Variants in USP13 observed in about 807,000 individuals in gnomAD.
USP13 encodes ubiquitin specific peptidase 13.
A neutral mutation model predicts 107.8 loss-of-function variants in USP13; 68 were observed. That is an observed-to-expected ratio of 0.63 (90% CI 0.52 to 0.77). The LOEUF is 0.77. Ranked by LOEUF, USP13 falls within the 30% of genes least tolerant of loss-of-function variation. The pLI is 0.00. For synonymous variants in USP13, 377 were observed against 389.5 expected (o/e 0.97, Z 0.38); for missense variants, 945 against 1,093.3 (o/e 0.86, Z 1.91).
chr3:179,767,159 A>G (rs1401757036), intron 19 of USP13, among the ~76,000 whole-genome samples: 2 of 152,212 alleles, frequency 1.3e-5, no homozygotes, highest in Admixed American at 1.3e-4. Flanking sequence ...TGTCATAATC[A>G]GCTCATGCTT....
intron 6 of USP13, among the ~76,000 whole-genome samples, chr3:179,718,913 C>T (rs1428054745): frequency 5.3e-5 from 8 of 152,042 alleles, no homozygotes; most frequent in African/African-American, 1.7e-4. Context: ...CCCGCCACCA[C>T]GCCCGGCTAA....
intron 8 of USP13, among the ~76,000 whole-genome samples, chr3:179,728,147 C>T (rs1713623822): frequency 7.5e-6 from 1 of 132,550 alleles, no homozygotes; most frequent in South Asian, 2.7e-4. Flanking sequence ...GTAGGGGCGG[C>T]CGGGCAGAGG....
At chr3:179,710,000 A>G (rs904903174) in intron 6 of USP13, among the ~76,000 whole-genome samples, 20 of 152,264 alleles carry the variant, frequency 1.3e-4, no homozygotes, top group African/African-American at 4.8e-4. Flanking sequence ...CATTTGATAC[A>G]TAACTGAGGA....
At chr3:179,760,653 G>A (rs370054939) in intron 16 of USP13, among the ~76,000 whole-genome samples, 16 of 152,244 alleles carry the variant, frequency 1.1e-4, no homozygotes, top group African/African-American at 3.9e-4. Flanking sequence ...TGCACTCTCC[G>A]TTTTCCAGAG....
At chr3:179,779,232 TA>T (rs71182517) in intron 19 of USP13, among the ~76,000 whole-genome samples, 25,033 of 144,428 alleles carry the variant, frequency 0.17, 3,427 homozygotes, top group African/African-American at 0.39. Context: ...TGACTTCCAT[TA>T]AAAAAAAAAA....
chr3:179,690,349 T>C, intron 3 of USP13, 48 bp downstream of exon 3: 1 of 1,492,266 alleles, frequency 6.7e-7, no homozygotes. Context: ...TGTGTGTGTG[T>C]ATATGTGCAT....
At chr3:179,764,757 G>A (rs779817842) in intron 18 of USP13, among the ~76,000 whole-genome samples, 2 of 152,046 alleles carry the variant, frequency 1.3e-5, no homozygotes, top group Non-Finnish European at 2.9e-5. Flanking sequence ...CTTGAGGGAA[G>A]GTACTTAAAA....
rs1360772246 is a variant in USP13, at chr3:179,721,299, A to G, written c.901-103A>G. On this transcript the variant is annotated intron_variant, in intron 7 of 20. Coordinates refer to ENST00000263966, the MANE Select transcript of USP13 (RefSeq NM_003940.3). This position sits in a 1 kb window ranked among gnomAD's most constrained non-coding sequence, Gnocchi z 4.3. ...TTATTTCTCTATGTAATTGGGGAAA[A>G]AAATGGCAGAAACATCCTATGCTGT... is the stretch of plus-strand genomic sequence containing the variant. The G allele has an allele frequency of 2.3e-6, 3 of 1,310,368 alleles. No individual in the cohort carries two copies. The highest frequency in any genetic ancestry group is 1.0e-6 in the Non-Finnish European group (1 of 959,868). 81.2% of individuals were successfully genotyped at this position (1,310,368 alleles called of 1,614,324 possible). A position where few individuals can be genotyped will look rare whatever the true frequency, so the allele number is the denominator to read the frequency against.
At position 179,724,958 on chromosome 3, in the gene USP13, G is replaced by A. The variant is rs1466497223; in HGVS notation, c.1088+3369G>A. Among the ~76,000 whole-genome samples, 3 of 152,198 alleles carry A rather than the reference G, an allele frequency of 2.0e-5. No homozygotes were observed. In the East Asian group the frequency reaches 5.8e-4, roughly 29 times the overall value. ...TTTTTGGCTGGGCATGGTGGCTCATGCCTGTAATCCCAGCACTTTGGGAGT... is the reference window on the plus strand; with the variant it reads ...TTTTTGGCTGGGCATGGTGGCTCATACCTGTAATCCCAGCACTTTGGGAGT... On this transcript the variant is annotated intron_variant, in intron 8 of 20. Coordinates refer to ENST00000263966, the MANE Select transcript of USP13 (RefSeq NM_003940.3).
chr3:179,721,402 A>C lies in USP13; in HGVS notation c.901A>C (p.Thr301Pro). ...TTTTTCTTCGATGACTTTGTCTCAG[A>C]CAGAGAATGGGCTCCAGGACAATGA... ...FGIDMLHMHG[T>P]ENGLQDNDIK... is the part of the protein sequence containing the mutation. Residue 301 changes from threonine to proline, a missense_variant and splice_region_variant, in exon 8 of 21, where the codon ACA becomes CCA. Coordinates refer to ENST00000263966, the MANE Select transcript of USP13 (RefSeq NM_003940.3). The surrounding 1 kb of genome is among the most constrained non-coding windows in gnomAD (Gnocchi z 4.3). 1 of 1,612,958 alleles carries C rather than the reference A, an allele frequency of 6.2e-7. No individual in the cohort carries two copies. The highest frequency in any genetic ancestry group is 1.7e-4 in the Middle Eastern group (1 of 6,056).
At chr3:179,738,754 T>G (rs896948351) in intron 10 of USP13, among the ~76,000 whole-genome samples, 2 of 152,356 alleles carry the variant, frequency 1.3e-5, no homozygotes, top group African/African-American at 4.8e-5. Flanking sequence ...GAGCCAGTTT[T>G]AGTCTTCTTC....
chr3:179,653,428 C>T lies in USP13; in HGVS notation c.168+35C>T. The T allele has an allele frequency of 1.3e-6, 2 of 1,535,194 alleles. No individual in the cohort carries two copies. Among genetic ancestry groups the T allele is most frequent in the Non-Finnish European group, 8.8e-7 (1 of 1,137,352 alleles). On this transcript the variant is annotated intron_variant, in intron 1 of 20. Coordinates refer to ENST00000263966, the MANE Select transcript of USP13 (RefSeq NM_003940.3). The surrounding 1 kb of genome is among the most constrained non-coding windows in gnomAD (Gnocchi z 4.0). ...GCGCCTCGGGGGAGGGTCGCGGGGC[C>T]GGCGGCCTGCGGCACGTGAAGCCGG...
At chr3:179,680,559 T>C (rs556117752) in intron 1 of USP13, among the ~76,000 whole-genome samples, 37 of 151,772 alleles carry the variant, frequency 2.4e-4, no homozygotes, top group Admixed American at 9.2e-4. Context: ...CATTTTTTTT[T>C]CCCCCAAGAC....
chr3:179,675,262 GT>G (rs145132849), intron 1 of USP13, among the ~76,000 whole-genome samples: 11,818 of 151,806 alleles, frequency 0.078, 854 homozygotes, highest in African/African-American at 0.18. Context: ...GCTCTTTTTA[GT>G]TTTGTAATTG....
chr3:179,660,036 C>CT (rs1176581739), intron 1 of USP13, among the ~76,000 whole-genome samples: 1 of 152,192 alleles, frequency 6.6e-6, no homozygotes, highest in Non-Finnish European at 1.5e-5. Context: ...GAGCGAGACT[C>CT]TGTCTCAAAA....
At chr3:179,685,245 A>G (rs1711829777) in intron 2 of USP13, among the ~76,000 whole-genome samples, 1 of 150,992 alleles carries the variant, frequency 6.6e-6, no homozygotes, top group Non-Finnish European at 1.5e-5. Context: ...CTGGTTATTG[A>G]TGGTATTTGG....
intron 2 of USP13, among the ~76,000 whole-genome samples, chr3:179,689,248 A>G (rs1417890297): frequency 1.3e-5 from 2 of 152,206 alleles, no homozygotes; most frequent in Non-Finnish European, 2.9e-5. Flanking sequence ...TTGGCATTAT[A>G]CTTGATTTGA....
intron 13 of USP13, 37 bp from the exon 14 acceptor site, chr3:179,752,248 G>A (rs1714638721): frequency 1.3e-6 from 2 of 1,571,382 alleles, no homozygotes; most frequent in East Asian, 4.5e-5. Context: ...AATTCTTATT[G>A]CCTTGTTTCA....
intron 10 of USP13, among the ~76,000 whole-genome samples, chr3:179,734,922 T>C (rs1713936402): frequency 6.6e-6 from 1 of 152,198 alleles, no homozygotes; most frequent in Admixed American, 6.5e-5. Flanking sequence ...AGCATTCGGC[T>C]CAGGGGAATA....
Sources: gnomAD v4.1 joint callset for allele counts (sites outside exome capture counted in the v4.1 genomes callset) on GRCh38, gnomAD v4.1.1 for gene constraint, Gnocchi (gnomAD v3.1) non-coding constraint, MANE v1.5 for transcripts, NCBI Gene and HGNC (gene_info 2026-07-23, HGNC 2026-07-21) for gene names.